Variants in MYH7 observed in about 807,000 individuals in gnomAD.
MYH7 encodes myosin heavy chain 7, also known as myosin-7.
Under a neutral mutation model 225.4 loss-of-function variants are expected in MYH7, and 129 were observed. The ratio of observed to expected loss-of-function variants is 0.57; its 90% CI spans 0.50 to 0.66. The LOEUF is 0.66. MYH7 is among the 30% of genes least tolerant of loss of function. The pLI is 0.00. For synonymous variants in MYH7, 971 were observed against 1,007.6 expected (o/e 0.96, Z 0.69); for missense variants, 1,649 against 2,517.0 (o/e 0.66, Z 7.38).
At chr14:23,413,408 C>A (rs1005867641) in intron 39 of MYH7, among the ~76,000 whole-genome samples, 7 of 152,088 alleles carry the variant, frequency 4.6e-5, no homozygotes, top group African/African-American at 1.7e-4. Flanking sequence ...GAAACCGCAT[C>A]TCTACTAAAA....
chr14:23,430,771 G>T, intron 10 of MYH7, 108 bp from the exon 11 acceptor site: 1 of 1,285,816 alleles, frequency 7.8e-7, no homozygotes, highest in Non-Finnish European at 1.1e-6. Flanking sequence ...GCTTGGCTTG[G>T]CCCCACATCC....
In MYH7 at chr14:23,413,769, A is replaced by G. The variant is rs1350272976; in HGVS notation, c.5780T>C (p.Ile1927Thr). The change falls in exon 39 of 40, where the codon ATT becomes ACT. Residue 1927 changes from isoleucine to threonine, a missense_variant. Physicochemically the swap from Ile to Thr is moderately conservative, Grantham distance 89. This residue lies in a region of MYH7 where 687 missense variants were observed against 913.8 expected (regional missense o/e 0.75). Transcript: ENST00000355349. ...AAAAGAGGGACCCACCTTCGTGCCA[A>G]TGTCACGGCTCTTGGCCCGCAGCTT... ...VNKLRAKSRDIGTKGLNEE is the reference protein window; with the variant it reads ...VNKLRAKSRDTGTKGLNEE The G allele has an allele frequency of 6.2e-7, 1 of 1,614,010 alleles. No homozygotes were observed. The highest frequency in any genetic ancestry group is 8.5e-7 in the Non-Finnish European group (1 of 1,180,050).
chr14:23,423,434 C>G (rs61977672), intron 24 of MYH7, 113 bp downstream of exon 24: 4 of 1,192,966 alleles, frequency 3.4e-6, no homozygotes, highest in Non-Finnish European at 4.7e-6. Context: ...AACATAAACA[C>G]AAACACACAC....
rs766561921 is a variant in MYH7 at position 23,416,085 on chromosome 14, C to T, written c.4872G>A (p.Glu1624=). Reference sequence around the variant, plus strand: ...TGGCGTGGCTGAGCTGGATCTCCATCTCATTGAGGTCTCCTTCCATCTTCT... The same window carrying T: ...TGGCGTGGCTGAGCTGGATCTCCATTTCATTGAGGTCTCCTTCCATCTTCT... ...VKKKMEGDLN[E]MEIQLSHANR... The change falls in exon 34 of 40, where the codon GAG becomes GAA. Residue 1624 remains glutamate (E), a synonymous_variant. Transcript: ENST00000355349. The T allele has an allele frequency of 5.0e-6, 8 of 1,614,106 alleles. No individual in the cohort carries two copies. In the East Asian group the frequency reaches 1.8e-4, roughly 36 times the overall value.
chr14:23,424,954 G>C lies in MYH7; in HGVS notation c.2494C>G (p.Leu832Val). 6.2e-7 allele frequency: 1 copy of C among 1,614,182 alleles called. No homozygotes were observed. The change falls in exon 22 of 40, where the codon CTC (leucine) becomes GTC (valine). Residue 832 changes from leucine (L) to valine (V), a missense_variant. Physicochemically the swap from Leu to Val is conservative, Grantham distance 32. Coordinates refer to ENST00000355349, the MANE Select transcript of MYH7 (RefSeq NM_000257.4). ...MGVKNWPWMKLYFKIKPLLKS... is the reference protein window; with the variant it reads ...MGVKNWPWMKVYFKIKPLLKS... The stretch of plus-strand genomic sequence containing the variant: ...AGCAGCGGCTTGATCTTGAAGTAGA[G>C]CTTCATCCAGGGCCAATTCTTGACC...
Position 23,433,452 on chromosome 14 carries a change from T to C in MYH7, c.201+80A>G, listed in dbSNP as rs1893028022. 2.0e-5 allele frequency: 30 copies of C among 1,526,196 alleles called. No homozygotes were observed. Among genetic ancestry groups the C allele is most frequent in the Non-Finnish European group, 2.5e-5 (28 of 1,107,602 alleles). 94.5% of individuals were successfully genotyped at this position (1,526,196 alleles called of 1,614,324 possible). A position where few individuals can be genotyped will look rare whatever the true frequency, so the allele number is the denominator to read the frequency against. On this transcript the variant is annotated intron_variant, in intron 3 of 39. Transcript: ENST00000355349. This position sits in a 1 kb window ranked among gnomAD's most constrained non-coding sequence, Gnocchi z 4.1. ...GACCATCCTCAGGTCTGCATGGGCATGGGGCATGGGTGTACCCCTCTCTGT... is the reference window on the plus strand; with the variant it reads ...GACCATCCTCAGGTCTGCATGGGCACGGGGCATGGGTGTACCCCTCTCTGT...
intron 6 of MYH7, 76 bp from the exon 7 acceptor site, chr14:23,431,945 C>G (rs1892964054): frequency 4.1e-6 from 6 of 1,471,700 alleles, no homozygotes; most frequent in Non-Finnish European, 5.7e-6. Flanking sequence ...GAGAGAATGC[C>G]TGGGCCTACC....
Position 23,415,754 on chromosome 14 carries a change from T to A in MYH7, c.5032A>T (p.Asn1678Tyr). 2 of 1,614,170 alleles carry A rather than the reference T, an allele frequency of 1.2e-6. No homozygotes were observed. The highest frequency in any genetic ancestry group is 1.7e-6 in the Non-Finnish European group (2 of 1,180,040). The part of the protein sequence containing the change: ...KENIAIVERR[N>Y]NLLQAELEEL... ...TCCAGCTCAGCCTGCAGCAGGTTGTTGCGCCGCTCCACGATGGCGATGTTC... is the reference window on the plus strand; with the variant it reads ...TCCAGCTCAGCCTGCAGCAGGTTGTAGCGCCGCTCCACGATGGCGATGTTC... The change falls in exon 35 of 40, where the codon AAC becomes TAC. Residue 1678 changes from asparagine to tyrosine, a missense_variant. Asn to Tyr is a moderately radical substitution (Grantham distance 143). Coordinates refer to ENST00000355349, the MANE Select transcript of MYH7 (RefSeq NM_000257.4). The surrounding 1 kb of genome is among the most constrained non-coding windows in gnomAD (Gnocchi z 6.3).
At position 23,416,325 on chromosome 14, in the gene MYH7, TG is replaced by T; in HGVS notation, c.4645-14del. The T allele has an allele frequency of 6.2e-7, 1 of 1,608,730 alleles. No homozygotes were observed. Among genetic ancestry groups the T allele is most frequent in the Non-Finnish European group, 8.5e-7 (1 of 1,177,360 alleles). ...GCTCCAGGGAGGCCTGGGAAGGGGT[TG>T]GGGGAGGGGATGCAGGCAGACAGTC... On this transcript the variant is annotated splice_polypyrimidine_tract_variant and intron_variant, in intron 33 of 39. Coordinates refer to ENST00000355349, the MANE Select transcript of MYH7 (RefSeq NM_000257.4).
chr14:23,432,551 T>C, intron 5 of MYH7, 45 bp from the exon 6 acceptor site: 1 of 1,614,106 alleles, frequency 6.2e-7, no homozygotes, highest in Non-Finnish European at 8.5e-7. Context: ...CTGCACAGGA[T>C]GCTCTCGTGG....
In MYH7 at chr14:23,421,016, C is replaced by T; in HGVS notation, c.3278G>A (p.Arg1093Lys). The T allele has an allele frequency of 6.2e-7, 1 of 1,612,914 alleles. No individual in the cohort carries two copies. Among genetic ancestry groups the T allele is most frequent in the Non-Finnish European group, 8.5e-7 (1 of 1,179,990 alleles). The stretch of plus-strand genomic sequence containing the variant: ...GCCGAGGGCCTGTTCATCCTCAATC[C>T]TTGCGTTGAGAGCATTCAGCTCAAA... ...KDFELNALNA[R>K]IEDEQALGSQ... Residue 1093 changes from arginine to lysine, a missense_variant, in exon 26 of 40, where the codon AGG becomes AAG. Physicochemically the swap from Arg to Lys is conservative, Grantham distance 26. Around this residue, in one of 12 missense-constraint regions of MYH7, gnomAD observed 282 missense variants for 315.3 expected, o/e 0.89. Transcript: ENST00000355349.
At position 23,423,675 on chromosome 14, in the gene MYH7, T is replaced by G; in HGVS notation, c.2971A>C (p.Lys991Gln). ...AGAGCTTTCTTCTCCTTGGTCAGCT[T>G]GGCAATGATCTCATCCAGCCCAGCC... ...EMAGLDEIIA[K>Q]LTKEKKALQE... The change falls in exon 24 of 40, where the codon AAG (lysine) becomes CAG (glutamine). Residue 991 changes from lysine to glutamine, a missense_variant. Transcript: ENST00000355349. 6.2e-7 allele frequency: 1 copy of G among 1,614,114 alleles called. No homozygotes were observed. The highest frequency in any genetic ancestry group is 8.5e-7 in the Non-Finnish European group (1 of 1,180,014).
At chr14:23,421,077 G>A (rs754607239) in intron 25 of MYH7, 29 bp from the exon 26 acceptor site, 1 of 1,579,018 alleles carries the variant, frequency 6.3e-7, no homozygotes. Context: ...GGTGAGGTAA[G>A]GGAGACTCGT....
chr14:23,431,329 G>A (rs1892926357), intron 9 of MYH7, 89 bp downstream of exon 9: 1 of 1,292,578 alleles, frequency 7.7e-7, no homozygotes, highest in Non-Finnish European at 1.1e-6. Context: ...AAAAACAGAG[G>A]GAGGGAGGGG....
rs770770421 is a variant in MYH7, at chr14:23,427,616, G to A, written c.1857C>T (p.Thr619=). ...YQKSSLKLLS[T]LFANYAGADA... is the part of the protein sequence containing the mutation. ...CAGCCCCAGCATAGTTGGCAAACAGGGTGCTGAGCAGCTTGAGGGAAGACT... is the reference window on the plus strand; with the variant it reads ...CAGCCCCAGCATAGTTGGCAAACAGAGTGCTGAGCAGCTTGAGGGAAGACT... Residue 619 remains threonine (T), a synonymous_variant, in exon 16 of 40, where the codon ACC becomes ACT. Transcript: ENST00000355349. The A allele has an allele frequency of 1.2e-6, 2 of 1,614,092 alleles. No individual in the cohort carries two copies. The highest frequency in any genetic ancestry group is 1.3e-5 in the African/African-American group (1 of 74,922).
chr14:23,428,187 A>T (rs777640022), intron 15 of MYH7, among the ~76,000 whole-genome samples: 4 of 152,122 alleles, frequency 2.6e-5, no homozygotes, highest in Non-Finnish European at 4.4e-5. Context: ...CACTCTTATG[A>T]TCCCCTACAC....
chr14:23,427,378 C>T, intron 16 of MYH7, 71 bp from the exon 17 acceptor site: 1 of 1,570,464 alleles, frequency 6.4e-7, no homozygotes, highest in Non-Finnish European at 8.8e-7. Context: ...AATCACAGCC[C>T]CTCTTTACAT....
intron 17 of MYH7, 97 bp from the exon 18 acceptor site, chr14:23,426,961 G>C (rs1411800869): frequency 6.7e-5 from 74 of 1,101,262 alleles, no homozygotes; most frequent in Admixed American, 1.4e-4. Context: ...GAGATGGAGA[G>C]AATTCGAGAA....
chr14:23,429,286 G>A lies in MYH7; in HGVS notation c.1200C>T (p.Cys400=), dbSNP rs374806617. The change falls in exon 13 of 40, where the codon TGC becomes TGT. Residue 400 remains cysteine, a synonymous_variant. Coordinates refer to ENST00000355349, the MANE Select transcript of MYH7 (RefSeq NM_000257.4). ...LNSADLLKGL[C]HPRVKVGNEY... ...CATTGCCCACTTTCACCCGAGGGTG[G>A]CACAGCCCCTTGAGCAGGTCGGCTG... The A allele has an allele frequency of 1.2e-5, 20 of 1,614,064 alleles. No homozygotes were observed. The African/African-American group carries it at 2.1e-4, about 17-fold the overall frequency.
Sources: gnomAD v4.1 joint callset for allele counts (sites outside exome capture counted in the v4.1 genomes callset) on GRCh38, gnomAD v4.1.1 for gene constraint, gnomAD v4.1.1 regional missense constraint, Gnocchi (gnomAD v3.1) non-coding constraint, MANE v1.5 for transcripts, NCBI Gene and HGNC (gene_info 2026-07-23, HGNC 2026-07-21) for gene names.